STK24: variants seen among roughly 807,000 people sequenced by gnomAD.
STK24 encodes serine/threonine kinase 24.
A neutral mutation model predicts 55.6 loss-of-function variants in STK24; 21 were observed. That is an observed-to-expected ratio of 0.38 (90% CI 0.27 to 0.54). The LOEUF is 0.54. Among genes scored for constraint, STK24 ranks in the 20% least tolerant of loss-of-function variants. The pLI, the probability that STK24 is intolerant of heterozygous loss-of-function variation, is 0.79. For synonymous variants in STK24, 200 were observed against 215.2 expected (o/e 0.93, Z 0.62); for missense variants, 383 against 538.4 (o/e 0.71, Z 2.86).
intron 3 of STK24, among the ~76,000 whole-genome samples, chr13:98,481,126 A>G (rs1446437857): frequency 6.6e-6 from 1 of 152,122 alleles, no homozygotes; most frequent in East Asian, 1.9e-4. Context: ...AAGAGTGATC[A>G]CAGTGACTTC....
intron 1 of STK24, among the ~76,000 whole-genome samples, chr13:98,528,764 C>T (rs552161880): frequency 3.4e-4 from 52 of 152,354 alleles, no homozygotes; most frequent in African/African-American, 1.2e-3. Context: ...AGTCAAACCA[C>T]ACTCAACTAC....
intron 1 of STK24, among the ~76,000 whole-genome samples, chr13:98,572,332 G>A (rs1293955437): frequency 3.3e-5 from 5 of 152,050 alleles, no homozygotes; most frequent in South Asian, 2.1e-4. Flanking sequence ...CCCACGTCTC[G>A]GATGTCCTGA....
rs7331181 is a variant in STK24, at chr13:98,517,905, G to A, written c.273+1338C>T. ...AAATGCTACCAAGGAAGGAAAATAC[G>A]CATTAAGTACCTACTACATGTCAAG... On this transcript the variant is annotated intron_variant, in intron 2 of 10. Coordinates refer to ENST00000539966, the MANE Select transcript of STK24 (RefSeq NM_001032296.4). Among the ~76,000 whole-genome samples, 9 of 152,208 alleles carry A rather than the reference G, an allele frequency of 5.9e-5. No individual in the cohort carries two copies. The South Asian group carries it at 1.7e-3, about 28-fold the overall frequency.
chr13:98,449,239 C>G lies in STK24; in HGVS notation c.*3934G>C, dbSNP rs1893062879. ...AAATCATGGTACGTAGTCCCCGGCA[C>G]CTGTCGTTATTCCTATATCCTCCTG... On this transcript the variant is annotated 3_prime_UTR_variant, in exon 11 of 11. Coordinates refer to ENST00000539966, the MANE Select transcript of STK24 (RefSeq NM_001032296.4). The G allele has an allele frequency of 6.6e-6, 1 of 152,240 alleles. No individual in the cohort carries two copies. Among genetic ancestry groups the G allele is most frequent in the Admixed American group, 6.5e-5 (1 of 15,286 alleles). 9.4% of individuals were successfully genotyped at this position (152,240 alleles called of 1,614,324 possible).
At chr13:98,466,878 G>A (rs1157798369) in intron 5 of STK24, among the ~76,000 whole-genome samples, 1 of 152,204 alleles carries the variant, frequency 6.6e-6, no homozygotes, top group South Asian at 2.1e-4. Flanking sequence ...TGAGCAGAGA[G>A]GAGGAGTCCG....
intron 1 of STK24, among the ~76,000 whole-genome samples, chr13:98,535,594 C>T (rs915893884): frequency 3.9e-5 from 6 of 152,282 alleles, no homozygotes; most frequent in Admixed American, 2.0e-4. Flanking sequence ...GCTCCTCCCA[C>T]GGGAAGGCCT....
Position 98,448,138 on chromosome 13 carries a change from G to T in STK24, c.*5035C>A, listed in dbSNP as rs554602895. On this transcript the variant is annotated 3_prime_UTR_variant, in exon 11 of 11. Coordinates refer to ENST00000539966, the MANE Select transcript of STK24 (RefSeq NM_001032296.4). ...TGAAGTGGCAGATTACCAACCAGGCGGCCTGACTTCACCTTGTGTTTCTGT... is the reference window on the plus strand; with the variant it reads ...TGAAGTGGCAGATTACCAACCAGGCTGCCTGACTTCACCTTGTGTTTCTGT... The T allele has an allele frequency of 2.0e-6, 2 of 992,320 alleles. No homozygotes were observed. Among genetic ancestry groups the T allele is most frequent in the Admixed American group, 3.5e-5 (2 of 57,074 alleles). The allele number at this position is 992,320 out of a possible 1,614,324, so 61.5% of individuals were successfully genotyped here.
chr13:98,528,796 C>G (rs534763818), intron 1 of STK24, among the ~76,000 whole-genome samples: 1 of 152,308 alleles, frequency 6.6e-6, no homozygotes, highest in African/African-American at 2.4e-5. Context: ...CCAAGCTTCT[C>G]TACGCTTTTC....
chr13:98,508,683 G>C (rs1310403677), intron 2 of STK24: 1 of 152,170 alleles, frequency 6.6e-6, no homozygotes, highest in Admixed American at 6.5e-5. Flanking sequence ...CATGCCATAC[G>C]AGCTATGGCA....
intron 3 of STK24, among the ~76,000 whole-genome samples, chr13:98,481,078 C>G (rs542417298): frequency 6.6e-6 from 1 of 152,244 alleles, no homozygotes; most frequent in South Asian, 2.1e-4. Context: ...AAAATCACCA[C>G]TCACCTAAAT....
chr13:98,566,477 G>A (rs377676844), intron 1 of STK24, among the ~76,000 whole-genome samples: 1 of 152,198 alleles, frequency 6.6e-6, no homozygotes, highest in Non-Finnish European at 1.5e-5. Flanking sequence ...TTTTCTAGCC[G>A]AGGCCTTGGG....
chr13:98,553,572 A>G (rs1897209136), intron 1 of STK24: 1 of 164,564 alleles, frequency 6.1e-6, no homozygotes, highest in Non-Finnish European at 1.4e-5. Flanking sequence ...CCAAAATTCA[A>G]AGAAAACATC....
intron 1 of STK24, among the ~76,000 whole-genome samples, chr13:98,536,976 G>A (rs1242209840): frequency 1.3e-5 from 2 of 152,074 alleles, no homozygotes; most frequent in Admixed American, 6.6e-5. Flanking sequence ...GCCGGAGCCC[G>A]CCCCTCCCGG....
chr13:98,542,471 G>A (rs1193254720), intron 1 of STK24, among the ~76,000 whole-genome samples: 1 of 152,114 alleles, frequency 6.6e-6, no homozygotes, highest in Non-Finnish European at 1.5e-5. Context: ...CCAGAACAGG[G>A]CCAGCCTCAA....
chr13:98,549,223 C>T (rs1897103853), intron 1 of STK24, among the ~76,000 whole-genome samples: 1 of 152,206 alleles, frequency 6.6e-6, no homozygotes, highest in South Asian at 2.1e-4. Context: ...TCAGACTGTG[C>T]AACTTTTATA....
chr13:98,543,867 A>C (rs4772099), intron 1 of STK24, among the ~76,000 whole-genome samples: 39,397 of 152,118 alleles, frequency 0.26, 6,032 homozygotes, highest in East Asian at 0.42. Context: ...ACCCACACGC[A>C]TAAACCACAT....
chr13:98,565,224 A>C (rs1345093902), intron 1 of STK24, among the ~76,000 whole-genome samples: 2 of 152,154 alleles, frequency 1.3e-5, no homozygotes, highest in African/African-American at 4.8e-5. Flanking sequence ...ACACTTGCTC[A>C]GAACACAAAC....
chr13:98,558,133 G>C (rs566809402), intron 1 of STK24, among the ~76,000 whole-genome samples: 34 of 152,270 alleles, frequency 2.2e-4, no homozygotes, highest in Non-Finnish European at 4.3e-4. Context: ...GGAGCTGTTA[G>C]TCATCTAATC....
intron 1 of STK24, among the ~76,000 whole-genome samples, chr13:98,526,471 G>A (rs1296661442): frequency 6.6e-6 from 1 of 152,210 alleles, no homozygotes; most frequent in African/African-American, 2.4e-5. Flanking sequence ...AAACTGAGCA[G>A]AAGAGATATT....
Sources: gnomAD v4.1 joint callset for allele counts (sites outside exome capture counted in the v4.1 genomes callset) on GRCh38, gnomAD v4.1.1 for gene constraint, MANE v1.5 for transcripts, NCBI Gene and HGNC (gene_info 2026-07-23, HGNC 2026-07-21) for gene names.